Variants in BBS9 observed in about 807,000 individuals in gnomAD.
BBS9 encodes protein PTHB1.
BBS9 carries 89 observed loss-of-function variants against 117.7 expected under a neutral mutation model. That is an observed-to-expected ratio of 0.76 (90% CI 0.64 to 0.90). The LOEUF (loss-of-function observed/expected upper bound fraction) is 0.90, where lower values mean the gene tolerates loss of function less well. BBS9 is among the 40% of genes least tolerant of loss of function. The pLI is 0.00. For missense variants in BBS9, 982 were observed against 1,042.2 expected (o/e 0.94, Z 0.80); for synonymous variants, 379 against 370.9 (o/e 1.02, Z -0.25).
intron 4 of BBS9, among the ~76,000 whole-genome samples, chr7:33,171,780 T>A (rs1796615109): frequency 6.6e-6 from 1 of 152,148 alleles, no homozygotes; most frequent in African/African-American, 2.4e-5. Flanking sequence ...TAATATAACA[T>A]GACCTGAAGA....
chr7:33,619,050 A>C (rs927795261), intron 21 of BBS9, among the ~76,000 whole-genome samples: 6 of 152,190 alleles, frequency 3.9e-5, no homozygotes, highest in Non-Finnish European at 8.8e-5. Context: ...TTCAATCAAA[A>C]GACAGAGTGG....
intron 9 of BBS9, among the ~76,000 whole-genome samples, chr7:33,282,651 G>A (rs534163586): frequency 3.2e-4 from 48 of 152,260 alleles, no homozygotes; most frequent in South Asian, 1.0e-3. Flanking sequence ...GATTATAGGC[G>A]TGAGCCACCG....
intron 19 of BBS9, among the ~76,000 whole-genome samples, chr7:33,432,391 G>A (rs1214890162): frequency 6.6e-6 from 1 of 151,602 alleles, no homozygotes. Context: ...TTACAGGCAT[G>A]AGCCACCGCG....
At chr7:33,516,258 TG>T (rs1170039207) in intron 20 of BBS9, among the ~76,000 whole-genome samples, 3 of 151,670 alleles carry the variant, frequency 2.0e-5, no homozygotes, top group African/African-American at 7.3e-5. Flanking sequence ...TGGGAGGCTG[TG>T]GCGGGTAGAT....
intron 19 of BBS9, among the ~76,000 whole-genome samples, chr7:33,421,750 G>T (rs1368987627): frequency 6.6e-6 from 1 of 152,100 alleles, no homozygotes; most frequent in African/African-American, 2.4e-5. Context: ...CTCTGAGAAG[G>T]CCTCAAACAA....
chr7:33,374,894 T>C (rs969798566), intron 17 of BBS9, among the ~76,000 whole-genome samples: 112 of 104,062 alleles, frequency 1.1e-3, no homozygotes, highest in Admixed American at 2.8e-3. Context: ...AGAGTGAAAC[T>C]CCGTCTCAAA....
At chr7:33,513,872 T>C (rs10235827) in intron 20 of BBS9, among the ~76,000 whole-genome samples, 3,020 of 152,284 alleles carry the variant, frequency 0.02, 79 homozygotes, top group African/African-American at 0.055. Flanking sequence ...GACAGACATA[T>C]GGTGAAATCG....
intron 21 of BBS9, among the ~76,000 whole-genome samples, chr7:33,551,457 G>A (rs148851484): frequency 4.6e-5 from 7 of 152,260 alleles, no homozygotes; most frequent in Middle Eastern, 3.4e-3. Flanking sequence ...ACACCAGATT[G>A]TGATCTTTTT....
intron 5 of BBS9, among the ~76,000 whole-genome samples, chr7:33,234,057 C>T (rs1792997343): frequency 6.6e-6 from 1 of 152,174 alleles, no homozygotes. Context: ...AGACACTAAT[C>T]TCCTGTTTGT....
At chr7:33,588,782 C>T (rs754766816) in intron 21 of BBS9, among the ~76,000 whole-genome samples, 2 of 152,054 alleles carry the variant, frequency 1.3e-5, no homozygotes, top group Non-Finnish European at 2.9e-5. Flanking sequence ...ATTATTCATG[C>T]AGAAATCAGA....
intron 21 of BBS9, among the ~76,000 whole-genome samples, chr7:33,600,431 T>G (rs2129198367): frequency 6.6e-6 from 1 of 152,070 alleles, no homozygotes; most frequent in East Asian, 1.9e-4. Flanking sequence ...TGCTGTAAAC[T>G]ATAGAGAGCC....
chr7:33,461,118 T>C (rs973845627), intron 19 of BBS9, among the ~76,000 whole-genome samples: 1 of 152,064 alleles, frequency 6.6e-6, no homozygotes, highest in Non-Finnish European at 1.5e-5. Flanking sequence ...TACCATGCTT[T>C]GTTTTTCCAC....
chr7:33,456,150 G>A (rs2128925338), intron 19 of BBS9, among the ~76,000 whole-genome samples: 2 of 152,262 alleles, frequency 1.3e-5, no homozygotes, highest in South Asian at 4.1e-4. Flanking sequence ...TATTTTTATA[G>A]TACACAGAGG....
intron 19 of BBS9, among the ~76,000 whole-genome samples, chr7:33,431,028 GAA>G (rs879655079): frequency 1.6e-5 from 2 of 128,774 alleles, no homozygotes; most frequent in African/African-American, 2.8e-5. Flanking sequence ...GTCTCTGTGA[GAA>G]AAAAAAAAAA....
At chr7:33,504,834 T>G (rs75568744) in intron 19 of BBS9, among the ~76,000 whole-genome samples, 2,083 of 151,978 alleles carry the variant, frequency 0.014, 47 homozygotes, top group African/African-American at 0.047. Context: ...ATTGTAAAGT[T>G]AACACACCCT....
At chr7:33,257,825 T>G (rs780949003) in intron 6 of BBS9, among the ~76,000 whole-genome samples, 1 of 152,138 alleles carries the variant, frequency 6.6e-6, no homozygotes, top group Non-Finnish European at 1.5e-5. Context: ...AAAGCCAAAT[T>G]GAAGATTTAG....
At chr7:33,627,460 C>T (rs909430440) in intron 21 of BBS9, among the ~76,000 whole-genome samples, 2 of 152,204 alleles carry the variant, frequency 1.3e-5, no homozygotes, top group Admixed American at 6.5e-5. Context: ...CCCAGTGGGG[C>T]ACTGCCTAGT....
intron 20 of BBS9, among the ~76,000 whole-genome samples, chr7:33,524,427 T>G (rs901154942): frequency 1.3e-5 from 2 of 152,198 alleles, no homozygotes; most frequent in Non-Finnish European, 2.9e-5. Context: ...CAATTTCAGC[T>G]CCTGTTATTG....
chr7:33,322,111 A>G (rs894160379), intron 9 of BBS9, among the ~76,000 whole-genome samples: 13 of 151,910 alleles, frequency 8.6e-5, no homozygotes, highest in Admixed American at 1.3e-4. Context: ...ATGTGTTTTG[A>G]AGTTGCTTTA....
Sources: gnomAD v4.1 joint callset for allele counts (sites outside exome capture counted in the v4.1 genomes callset) on GRCh38, gnomAD v4.1.1 for gene constraint, MANE v1.5 for transcripts, NCBI Gene and HGNC (gene_info 2026-07-23, HGNC 2026-07-21) for gene names.